HIF1A: variants seen among roughly 807,000 people sequenced by gnomAD.
HIF1A encodes the protein hypoxia inducible factor 1 subunit alpha.
Under a neutral mutation model 92.7 loss-of-function variants are expected in HIF1A, and 24 were observed. The ratio of observed to expected loss-of-function variants is 0.26; its 90% CI spans 0.19 to 0.36. The LOEUF is 0.36. Among genes scored for constraint, HIF1A ranks in the 10% least tolerant of loss-of-function variants. The pLI is 1.00. For synonymous variants in HIF1A, 319 were observed against 338.7 expected (o/e 0.94, Z 0.64); for missense variants, 799 against 998.5 (o/e 0.80, Z 2.69).
At chr14:61,724,391 C>CTCT in intron 4 of HIF1A, among the ~76,000 whole-genome samples, 1 of 151,346 alleles carries the variant, frequency 6.6e-6, no homozygotes. Flanking sequence ...CCCCCTCCCT[C>CTCT]CCGCACTCCT....
In HIF1A at chr14:61,738,359, C is replaced by A; in HGVS notation, c.1522C>A (p.Gln508Lys). 6.2e-7 allele frequency: 1 copy of A among 1,604,686 alleles called. No individual in the cohort carries two copies. The highest frequency in any genetic ancestry group is 8.5e-7 in the Non-Finnish European group (1 of 1,175,260). The change falls in exon 10 of 15, where the codon CAA becomes AAA. Residue 508 changes from glutamine to lysine, a missense_variant. Coordinates refer to ENST00000337138, the MANE Select transcript of HIF1A (RefSeq NM_001530.4). ...TAGTCCTTCCGATGGAAGCACTAGA[C>A]AAAGTTCACCTGAGGTAGGTGTCAT... ...TPSPSDGSTR[Q>K]SSPEPNSPSE...
At chr14:61,729,152 C>T (rs1243827198) in intron 6 of HIF1A, among the ~76,000 whole-genome samples, 1 of 152,078 alleles carries the variant, frequency 6.6e-6, no homozygotes, top group East Asian at 1.9e-4. Context: ...GTAAAATTCA[C>T]ATTCCTTATC....
chr14:61,725,524 C>T (rs2044493345), intron 4 of HIF1A, among the ~76,000 whole-genome samples: 1 of 151,980 alleles, frequency 6.6e-6, no homozygotes, highest in Non-Finnish European at 1.5e-5. Flanking sequence ...AAGTGATTCT[C>T]ACGCCTCAAC....
At chr14:61,704,309 T>G (rs1487591631) in intron 1 of HIF1A, among the ~76,000 whole-genome samples, 1 of 152,222 alleles carries the variant, frequency 6.6e-6, no homozygotes, top group Non-Finnish European at 1.5e-5. Flanking sequence ...AGTGGCAGAA[T>G]AGTTACTGAT....
intron 1 of HIF1A, among the ~76,000 whole-genome samples, chr14:61,708,875 T>A (rs1594860583): frequency 6.6e-6 from 1 of 152,294 alleles, no homozygotes; most frequent in South Asian, 2.1e-4. Flanking sequence ...CATACACATT[T>A]TTGTTGTTTT....
At chr14:61,722,938 T>C (rs1353611479) in intron 4 of HIF1A, among the ~76,000 whole-genome samples, 2 of 152,216 alleles carry the variant, frequency 1.3e-5, no homozygotes, top group Admixed American at 1.3e-4. Context: ...TAAAAAATCA[T>C]GTGTTCTAAG....
chr14:61,710,848 C>G (rs1286409939), intron 1 of HIF1A, among the ~76,000 whole-genome samples: 1 of 152,086 alleles, frequency 6.6e-6, no homozygotes, highest in Admixed American at 6.6e-5. Context: ...ATCAAGAGGT[C>G]AGGAGTTCAA....
chr14:61,729,733 G>A (rs1258510072), intron 6 of HIF1A, among the ~76,000 whole-genome samples: 1 of 152,088 alleles, frequency 6.6e-6, no homozygotes, highest in East Asian at 1.9e-4. Context: ...AGGGAGAAAG[G>A]AAGGTAGTGG....
At chr14:61,734,785 T>C (rs541913833) in intron 8 of HIF1A, among the ~76,000 whole-genome samples, 2 of 148,172 alleles carry the variant, frequency 1.3e-5, no homozygotes, top group East Asian at 4.1e-4. Flanking sequence ...GGGGGAGGGA[T>C]AGCATTAGGA....
chr14:61,746,862 C>A, intron 14 of HIF1A, 72 bp from the exon 15 acceptor site: 2 of 1,223,018 alleles, frequency 1.6e-6, no homozygotes, highest in Non-Finnish European at 2.3e-6. Context: ...TGATACCTAA[C>A]ACATTGTGGG....
chr14:61,697,413 A>G (rs970834055), intron 1 of HIF1A, among the ~76,000 whole-genome samples: 2 of 152,204 alleles, frequency 1.3e-5, no homozygotes, highest in African/African-American at 2.4e-5. Flanking sequence ...TATCCTTATT[A>G]TATATTGAAT....
At chr14:61,746,203 G>A (rs753898457) in intron 14 of HIF1A, among the ~76,000 whole-genome samples, 13 of 140,318 alleles carry the variant, frequency 9.3e-5, no homozygotes, top group Non-Finnish European at 1.7e-4. Flanking sequence ...CAGCCTGGGC[G>A]ACAAGGGTGA....
intron 10 of HIF1A, chr14:61,739,973 G>A (rs1002881916): frequency 3.3e-5 from 5 of 149,716 alleles, no homozygotes; most frequent in Non-Finnish European, 5.9e-5. Flanking sequence ...TCTCAATTTT[G>A]TAAATGATGT....
chr14:61,713,783 CA>C (rs1472075989), intron 1 of HIF1A, among the ~76,000 whole-genome samples: 5 of 152,170 alleles, frequency 3.3e-5, no homozygotes, highest in African/African-American at 1.2e-4. Context: ...TGAAGCCTGT[CA>C]GTCAGAAGTT....
At position 61,725,316 on chromosome 14, in the gene HIF1A, C is replaced by T. The variant is rs545036039; in HGVS notation, c.458-1390C>T. Among the ~76,000 whole-genome samples, 6 of 152,310 alleles carry T rather than the reference C, an allele frequency of 3.9e-5. No individual in the cohort carries two copies. In the South Asian group the frequency reaches 1.2e-3, roughly 32 times the overall value. Reference sequence around the variant, plus strand: ...ATCTTACTCATCTTTGTATTGCCTACAATATCTAGTCCAGGTTCTGAATAA... The same window carrying T: ...ATCTTACTCATCTTTGTATTGCCTATAATATCTAGTCCAGGTTCTGAATAA... On this transcript the variant is annotated intron_variant, in intron 4 of 14. Transcript: ENST00000337138.
rs2044588408 is a variant in HIF1A at position 61,732,485 on chromosome 14, G to A, written c.841G>A (p.Ala281Thr). Reference sequence around the variant, plus strand: ...CCGCTCAATTTATGAATATTATCATGCTTTGGACTCTGATCATCTGACCAA... The same window carrying A: ...CCGCTCAATTTATGAATATTATCATACTTTGGACTCTGATCATCTGACCAA... ...LGRSIYEYYH[A>T]LDSDHLTKTH... The change falls in exon 7 of 15, where the codon GCT becomes ACT. Residue 281 changes from alanine to threonine, a missense_variant. By Grantham distance (58) the Ala-to-Thr change is moderately conservative. This residue lies in a region of HIF1A where 516 missense variants were observed against 721.0 expected (regional missense o/e 0.72). Coordinates refer to ENST00000337138, the MANE Select transcript of HIF1A (RefSeq NM_001530.4). 3 of 1,610,504 alleles carry A rather than the reference G, an allele frequency of 1.9e-6. No homozygotes were observed. The highest frequency in any genetic ancestry group is 2.5e-6 in the Non-Finnish European group (3 of 1,177,114).
intron 1 of HIF1A, among the ~76,000 whole-genome samples, chr14:61,703,926 T>C (rs913247250): frequency 1.3e-5 from 2 of 152,204 alleles, no homozygotes; most frequent in Non-Finnish European, 2.9e-5. Context: ...TTTTGGGAAG[T>C]TGAGTATTTC....
chr14:61,697,805 T>C (rs978327192), intron 1 of HIF1A: 5 of 1,480,890 alleles, frequency 3.4e-6, no homozygotes, highest in East Asian at 2.5e-5. Flanking sequence ...AACTGAGAGG[T>C]TGAGGGACGG....
intron 8 of HIF1A, among the ~76,000 whole-genome samples, chr14:61,736,563 G>T (rs1169830112): frequency 6.6e-6 from 1 of 152,134 alleles, no homozygotes; most frequent in African/African-American, 2.4e-5. Context: ...CCACTTACAA[G>T]TGAGAACATG....
Sources: gnomAD v4.1 joint callset for allele counts (sites outside exome capture counted in the v4.1 genomes callset) on GRCh38, gnomAD v4.1.1 for gene constraint, gnomAD v4.1.1 regional missense constraint, MANE v1.5 for transcripts, NCBI Gene and HGNC (gene_info 2026-07-23, HGNC 2026-07-21) for gene names.